Variants in RIMS2 observed in about 807,000 individuals in gnomAD.
The protein encoded by RIMS2 is regulating synaptic membrane exocytosis protein 2.
In RIMS2, 59 loss-of-function variants were observed where a neutral mutation model predicts 174.4. That is an observed-to-expected ratio of 0.34 (90% CI 0.27 to 0.42). The LOEUF (loss-of-function observed/expected upper bound fraction) is 0.42, where lower values mean the gene tolerates loss of function less well. Among genes scored for constraint, RIMS2 ranks in the 10% least tolerant of loss-of-function variants. RIMS2 has a pLI of 1.00. For synonymous variants in RIMS2, 606 were observed against 572.5 expected, an observed-to-expected ratio of 1.06 and a Z score of -0.84; for missense variants, 1,620 against 1,666.3, an observed-to-expected ratio of 0.97 and a Z score of 0.48.
At chr8:103,780,201 G>A (rs2098372569) in intron 3 of RIMS2, among the ~76,000 whole-genome samples, 1 of 152,040 alleles carries the variant, frequency 6.6e-6, no homozygotes, top group African/African-American at 2.4e-5. Context: ...TTGAGGATTT[G>A]ATTATTAGAT....
At chr8:104,057,535 A>T (rs1270778665) in intron 19 of RIMS2, among the ~76,000 whole-genome samples, 1 of 152,064 alleles carries the variant, frequency 6.6e-6, no homozygotes, top group Admixed American at 6.6e-5. Flanking sequence ...TATCCAAAAT[A>T]GTTTAGATAT....
At chr8:104,029,121 G>C (rs1190674825) in intron 19 of RIMS2, among the ~76,000 whole-genome samples, 1 of 152,174 alleles carries the variant, frequency 6.6e-6, no homozygotes, top group Non-Finnish European at 1.5e-5. Context: ...AATGGCACTG[G>C]AGTAAGTGCC....
chr8:103,816,094 C>T (rs962442586), intron 3 of RIMS2, among the ~76,000 whole-genome samples: 1 of 152,262 alleles, frequency 6.6e-6, no homozygotes, highest in South Asian at 2.1e-4. Context: ...ATTTAAAACA[C>T]ACGTTATCTA....
intron 19 of RIMS2, among the ~76,000 whole-genome samples, chr8:104,208,048 C>A (rs4734091): frequency 0.2 from 30,818 of 151,800 alleles, 3,395 homozygotes; most frequent in Non-Finnish European, 0.25. Context: ...GGATTACAAG[C>A]ATGAGCCACC....
chr8:103,748,644 T>C (rs1265406264), intron 2 of RIMS2, among the ~76,000 whole-genome samples: 1 of 152,174 alleles, frequency 6.6e-6, no homozygotes, highest in Non-Finnish European at 1.5e-5. Context: ...AGTTTACATC[T>C]TCGGTTCTCT....
At chr8:103,704,857 T>C (rs528073305) in intron 2 of RIMS2, among the ~76,000 whole-genome samples, 22 of 152,128 alleles carry the variant, frequency 1.4e-4, no homozygotes, top group Non-Finnish European at 2.2e-4. Context: ...TGGACTCTTC[T>C]TAGTTTCCTA....
chr8:103,825,052 C>G (rs1259352263), intron 3 of RIMS2, among the ~76,000 whole-genome samples: 2 of 152,034 alleles, frequency 1.3e-5, no homozygotes, highest in African/African-American at 4.8e-5. Context: ...CTATGAGCTC[C>G]TTGAATTAGG....
chr8:104,079,578 T>A (rs1284497069), intron 19 of RIMS2, among the ~76,000 whole-genome samples: 1 of 124,988 alleles, frequency 8.0e-6, no homozygotes, highest in East Asian at 2.2e-4. Flanking sequence ...AAATTTCACA[T>A]AACTGAAAGG....
chr8:103,902,709 T>C (rs2073433244), intron 4 of RIMS2, among the ~76,000 whole-genome samples: 1 of 152,030 alleles, frequency 6.6e-6, no homozygotes. Context: ...TCTCAAAATA[T>C]AGTTCCTGGG....
intron 19 of RIMS2, among the ~76,000 whole-genome samples, chr8:104,126,672 A>G (rs1263106082): frequency 6.6e-6 from 1 of 152,216 alleles, no homozygotes; most frequent in Admixed American, 6.5e-5. Flanking sequence ...CTTGTAACAC[A>G]ATGCCTACCA....
At chr8:103,961,042 T>C (rs754214571) in intron 14 of RIMS2, 23 bp from the exon 17 acceptor site, 7 of 1,215,614 alleles carry the variant, frequency 5.8e-6, no homozygotes, top group Non-Finnish European at 8.5e-6. Flanking sequence ...AATTTTTAAT[T>C]ATTGCTATTG....
At chr8:103,979,863 C>A (rs2154549055) in intron 16 of RIMS2, among the ~76,000 whole-genome samples, 1 of 152,238 alleles carries the variant, frequency 6.6e-6, no homozygotes, top group Non-Finnish European at 1.5e-5. Flanking sequence ...TGGGCTCAGC[C>A]AGTGCCTGGA....
At chr8:103,534,699 A>G (rs1375959872) in intron 1 of RIMS2, among the ~76,000 whole-genome samples, 1 of 152,228 alleles carries the variant, frequency 6.6e-6, no homozygotes, top group Non-Finnish European at 1.5e-5. Flanking sequence ...ATCCCAATTG[A>G]GTGAAATATT....
chr8:103,529,069 G>A (rs768493925), intron 1 of RIMS2, among the ~76,000 whole-genome samples: 4 of 152,264 alleles, frequency 2.6e-5, no homozygotes, highest in Admixed American at 1.3e-4. Context: ...TTATTTCGTT[G>A]AGCAGTGGTT....
chr8:103,997,705 C>T (rs1280487698), intron 17 of RIMS2, among the ~76,000 whole-genome samples: 1 of 151,512 alleles, frequency 6.6e-6, no homozygotes, highest in Non-Finnish European at 1.5e-5. Context: ...GATCAGTTTA[C>T]TCTTTATTAA....
chr8:104,251,534 T>C, intron 23 of RIMS2, 68 bp from the exon 30 acceptor site: 1 of 839,330 alleles, frequency 1.2e-6, no homozygotes, highest in Non-Finnish European at 2.1e-6. Flanking sequence ...AGTATTTTAA[T>C]ATATTTTACA....
chr8:103,946,745 T>G (rs939327535), intron 14 of RIMS2, among the ~76,000 whole-genome samples: 2 of 152,206 alleles, frequency 1.3e-5, no homozygotes, highest in African/African-American at 4.8e-5. Context: ...CAGGATATTT[T>G]GCTGAAATTA....
intron 2 of RIMS2, among the ~76,000 whole-genome samples, chr8:103,756,117 G>T (rs1475190066): frequency 2.0e-5 from 3 of 152,122 alleles, no homozygotes; most frequent in Admixed American, 6.5e-5. Flanking sequence ...TTTTGGTGTG[G>T]ATGTCCTTTT....
intron 19 of RIMS2, among the ~76,000 whole-genome samples, chr8:104,048,925 G>A (rs2154558548): frequency 6.6e-6 from 1 of 152,160 alleles, no homozygotes; most frequent in South Asian, 2.1e-4. Context: ...AAATCAGTAG[G>A]ATTTTGAATC....
Sources: allele counts gnomAD v4.1 joint callset (sites outside exome capture counted in the v4.1 genomes callset), GRCh38; gene constraint gnomAD v4.1.1; transcripts MANE v1.5; gene names NCBI Gene and HGNC (gene_info 2026-07-23, HGNC 2026-07-21).